The following RINT1 variants were observed in gnomAD, a reference collection of about 807,000 sequenced individuals.
The protein encoded by RINT1 is RAD50 interactor 1.
A neutral mutation model predicts 97.7 loss-of-function variants in RINT1; 75 were observed. The observed-to-expected ratio is 0.77, with a 90% CI of 0.64 to 0.93. The LOEUF (loss-of-function observed/expected upper bound fraction) is 0.93. Among genes scored for constraint, RINT1 ranks in the 40% least tolerant of loss-of-function variants. The probability of loss-of-function intolerance (pLI) is 0.00; values close to 1 mark genes in which losing one functional copy is unlikely to be tolerated. For missense variants in RINT1, 892 were observed against 925.2 expected, an observed-to-expected ratio of 0.96 and a Z score of 0.47; for synonymous variants, 303 against 326.3, an observed-to-expected ratio of 0.93 and a Z score of 0.77.
At chr7:105,539,271 TATC>T (rs372240788) in intron 3 of RINT1, among the ~76,000 whole-genome samples, 14 of 152,220 alleles carry the variant, frequency 9.2e-5, no homozygotes, top group African/African-American at 3.4e-4. Context: ...GATTCCTTCT[TATC>T]ATCCTCTCAT....
chr7:105,557,547 T>A (rs1791236008), intron 11 of RINT1, among the ~76,000 whole-genome samples: 1 of 152,080 alleles, frequency 6.6e-6, no homozygotes, highest in African/African-American at 2.4e-5. Context: ...AGGAAGGAAG[T>A]CTAGAAAGCA....
chr7:105,558,167 T>C (rs1159380077), intron 11 of RINT1, among the ~76,000 whole-genome samples: 1 of 151,510 alleles, frequency 6.6e-6, no homozygotes, highest in Non-Finnish European at 1.5e-5. Context: ...ATAAAAAAAA[T>C]GCCTGTAATC....
At chr7:105,556,705 C>G (rs917963169) in intron 11 of RINT1, among the ~76,000 whole-genome samples, 1 of 5,120 alleles carries the variant, frequency 2.0e-4, no homozygotes, top group Non-Finnish European at 1.5e-3. Context: ...TTTGATCTGC[C>G]TAATTAAGTT....
In RINT1 at chr7:105,551,633, A is replaced by G; in HGVS notation, c.1397A>G (p.Asp466Gly). Residue 466 changes from aspartate (D) to glycine (G), a missense_variant, in exon 10 of 15, where the codon GAT becomes GGT. Coordinates refer to ENST00000257700, the MANE Select transcript of RINT1 (RefSeq NM_021930.6). Reference protein sequence around the residue: ...SEAAWVSQYKDITDVDEMKVP... With the variant: ...SEAAWVSQYKGITDVDEMKVP... The stretch of plus-strand genomic sequence containing the variant: ...GCTGCCTGGGTATCGCAATATAAGG[A>G]TATCACTGACGTGGATGAAATGAAA... The G allele has an allele frequency of 6.2e-7, 1 of 1,612,308 alleles. No individual in the cohort carries two copies. Among genetic ancestry groups the G allele is most frequent in the Non-Finnish European group, 8.5e-7 (1 of 1,178,974 alleles).
chr7:105,534,996 CATATCATTATTTAGAT>C (rs1008804152), intron 2 of RINT1, among the ~76,000 whole-genome samples: 4 of 152,030 alleles, frequency 2.6e-5, no homozygotes, highest in Non-Finnish European at 5.9e-5. Context: ...TGCACTTAGG[CATATCATTATTTAGAT>C]ATTAATATTA....
At position 105,550,470 on chromosome 7, in the gene RINT1, G is replaced by T. The variant is rs150180546; in HGVS notation, c.1317G>T (p.Leu439Phe). 6.2e-7 allele frequency: 1 copy of T among 1,613,344 alleles called. No individual in the cohort carries two copies. The highest frequency in any genetic ancestry group is 1.3e-5 in the African/African-American group (1 of 74,900). Residue 439 changes from leucine (L) to phenylalanine (F), a missense_variant, in exon 9 of 15, where the codon TTG becomes TTT. Coordinates refer to ENST00000257700, the MANE Select transcript of RINT1 (RefSeq NM_021930.6). ...LSEETCFQRW[L>F]TVERKFALQK... ...AGGAAACCTGTTTTCAGAGATGGTTGACGGTGGAGAGAAAATGTAAGTGCT... is the reference window on the plus strand; with the variant it reads ...AGGAAACCTGTTTTCAGAGATGGTTTACGGTGGAGAGAAAATGTAAGTGCT...
chr7:105,556,162 G>A (rs1172727120), intron 11 of RINT1, among the ~76,000 whole-genome samples: 3 of 151,632 alleles, frequency 2.0e-5, no homozygotes, highest in Non-Finnish European at 4.4e-5. Flanking sequence ...TGTCTCCTGG[G>A]TTCAAGGGAT....
At chr7:105,555,990 A>G (rs1706915) in intron 11 of RINT1, among the ~76,000 whole-genome samples, 48,909 of 151,760 alleles carry the variant, frequency 0.32, 8,810 homozygotes, top group African/African-American at 0.49. Context: ...CTAACATTTC[A>G]TGTATCAAAT....
chr7:105,536,284 G>A (rs1378053208), intron 2 of RINT1, among the ~76,000 whole-genome samples: 2 of 151,856 alleles, frequency 1.3e-5, no homozygotes, highest in African/African-American at 2.4e-5. Context: ...TCAGCCTCCC[G>A]AATAGCTGGG....
In RINT1 at chr7:105,547,199, T is replaced by G; in HGVS notation, c.705T>G (p.Ile235Met). 1 of 1,614,162 alleles carries G rather than the reference T, an allele frequency of 6.2e-7. No individual in the cohort carries two copies. The change falls in exon 6 of 15, where the codon ATT becomes ATG. Residue 235 changes from isoleucine to methionine, a missense_variant. Coordinates refer to ENST00000257700, the MANE Select transcript of RINT1 (RefSeq NM_021930.6). ...KDKLTSDFEE[I>M]LAQLHWPFIA... ...TCCATTGCAGTGATTTTGAGGAAAT[T>G]TTAGCACAGCTTCATTGGCCATTCA...
chr7:105,541,115 G>A (rs1249910958), intron 3 of RINT1, among the ~76,000 whole-genome samples: 2 of 151,352 alleles, frequency 1.3e-5, no homozygotes, highest in Admixed American at 6.6e-5. Flanking sequence ...TGGGATTACA[G>A]GTGTGAGTCA....
chr7:105,532,466 G>A (rs1328156114), intron 1 of RINT1, 109 bp downstream of exon 1: 6 of 1,270,558 alleles, frequency 4.7e-6, no homozygotes, highest in Non-Finnish European at 6.6e-6. Context: ...GCTTGTGAAG[G>A]TGCTTCCTGC....
intron 2 of RINT1, among the ~76,000 whole-genome samples, chr7:105,533,076 T>C (rs1327454594): frequency 6.6e-6 from 1 of 152,228 alleles, no homozygotes; most frequent in East Asian, 1.9e-4. Context: ...AGAAGAGCAC[T>C]TCCCGATCCA....
At position 105,557,669 on chromosome 7, in the gene RINT1, T is replaced by C. The variant is rs186966090; in HGVS notation, c.1671+2442T>C. On this transcript the variant is annotated intron_variant, in intron 11 of 14. Coordinates refer to ENST00000257700, the MANE Select transcript of RINT1 (RefSeq NM_021930.6). The stretch of plus-strand genomic sequence containing the variant: ...AAAATTTATGGTTACTTCTAAAGCA[T>C]TGTATAGCAGAAAATGTATTCCTCA... Among the ~76,000 whole-genome samples, 453 of 152,248 alleles carry C rather than the reference T, an allele frequency of 3.0e-3. 3 individuals are homozygous for C. The highest frequency in any genetic ancestry group is 0.017 in the Middle Eastern group (5 of 290).
In RINT1 at chr7:105,555,089, C is replaced by T. The variant is rs1029769667; in HGVS notation, c.1533C>T (p.Asp511=). ...TTCAGTTCCTGGAGTTACAGAAGGA[C>T]TTAGTAGATGATTTTAGGATACGAT... ...RKLQFLELQK[D]LVDDFRIRLT... The change falls in exon 11 of 15, where the codon GAC becomes GAT. Residue 511 remains aspartate (D), a synonymous_variant. Coordinates refer to ENST00000257700, the MANE Select transcript of RINT1 (RefSeq NM_021930.6). The T allele has an allele frequency of 1.2e-6, 2 of 1,613,982 alleles. No individual in the cohort carries two copies. The highest frequency in any genetic ancestry group is 1.7e-6 in the Non-Finnish European group (2 of 1,179,980).
At chr7:105,542,329 C>T (rs927633831) in intron 3 of RINT1, 79 bp from the exon 4 acceptor site, 2 of 1,117,046 alleles carry the variant, frequency 1.8e-6, no homozygotes, top group South Asian at 1.5e-5. Flanking sequence ...CGTGAGATCC[C>T]CTCTCAAAAA....
At chr7:105,543,873 G>A (rs1000586843) in intron 4 of RINT1, among the ~76,000 whole-genome samples, 1 of 151,502 alleles carries the variant, frequency 6.6e-6, no homozygotes, top group African/African-American at 2.4e-5. Flanking sequence ...GGCAGATCAC[G>A]AGGTCAGGAG....
chr7:105,565,122 C>G (rs570750413), intron 12 of RINT1, 155 bp from the exon 13 acceptor site: 156 of 534,554 alleles, frequency 2.9e-4, no homozygotes, highest in Non-Finnish European at 4.2e-5. Flanking sequence ...AATACAGGTA[C>G]ATTTATTTTC....
At chr7:105,566,108 A>G (rs1791723554) in intron 14 of RINT1, among the ~76,000 whole-genome samples, 1 of 32,100 alleles carries the variant, frequency 3.1e-5, no homozygotes, top group South Asian at 1.1e-3. Context: ...ATCTCTACTA[A>G]AAATACCAAA....
Sources: allele counts gnomAD v4.1 joint callset (sites outside exome capture counted in the v4.1 genomes callset), GRCh38; gene constraint gnomAD v4.1.1; transcripts MANE v1.5; gene names NCBI Gene and HGNC (gene_info 2026-07-23, HGNC 2026-07-21).